The following AMOTL1 variants were observed in gnomAD, a reference collection of about 807,000 sequenced individuals.
AMOTL1 encodes angiomotin-like protein 1.
A neutral mutation model predicts 102.9 loss-of-function variants in AMOTL1; 45 were observed. The ratio of observed to expected loss-of-function variants is 0.44; its 90% confidence interval spans 0.34 to 0.56. AMOTL1 has a LOEUF of 0.56. Ranked by LOEUF, AMOTL1 falls within the 20% of genes least tolerant of loss-of-function variation. The probability of loss-of-function intolerance (pLI) is 0.01; values close to 1 mark genes in which losing one functional copy is unlikely to be tolerated. For missense variants in AMOTL1, 1,114 were observed against 1,225.6 expected (o/e 0.91, Z 1.36); for synonymous variants, 481 against 484.7 (o/e 0.99, Z 0.10).
intron 9 of AMOTL1, 126 bp from the exon 10 acceptor site, chr11:94,864,609 C>A: frequency 1.5e-6 from 2 of 1,323,518 alleles, no homozygotes; most frequent in Non-Finnish European, 1.0e-6. Flanking sequence ...GCTTCATGAG[C>A]CAATGCGAGA....
At chr11:94,773,841 G>A (rs1272596913) in intron 1 of AMOTL1, among the ~76,000 whole-genome samples, 1 of 152,194 alleles carries the variant, frequency 6.6e-6, no homozygotes, top group Non-Finnish European at 1.5e-5. Flanking sequence ...AACATAAACA[G>A]TATGAATGAA....
Position 94,795,045 on chromosome 11 carries a change from T to C in AMOTL1, c.84T>C (p.Pro28=), listed in dbSNP as rs1372199710. The change falls in exon 2 of 13, where the codon CCT becomes CCC. Residue 28 remains proline (P), a synonymous_variant. Coordinates refer to ENST00000433060, the MANE Select transcript of AMOTL1 (RefSeq NM_130847.3). ...SPSACYSPSS[P]VQVLEDSTYF... is the part of the protein sequence containing the mutation. ...CTGCTTGTTATAGCCCCAGTAGTCC[T>C]GTCCAGGTTCTAGAAGACTCCACCT... is the stretch of plus-strand genomic sequence containing the variant. 6.2e-7 allele frequency: 1 copy of C among 1,613,648 alleles called. No homozygotes were observed. The highest frequency in any genetic ancestry group is 8.5e-7 in the Non-Finnish European group (1 of 1,179,832).
intron 9 of AMOTL1, among the ~76,000 whole-genome samples, chr11:94,861,036 T>C (rs188653826): frequency 2.0e-5 from 3 of 152,258 alleles, no homozygotes; most frequent in Admixed American, 1.3e-4. Context: ...CACAGCACAC[T>C]TGCACCGAGA....
At chr11:94,816,345 T>A (rs1202338119) in intron 3 of AMOTL1, among the ~76,000 whole-genome samples, 1 of 152,186 alleles carries the variant, frequency 6.6e-6, no homozygotes, top group East Asian at 1.9e-4. Context: ...TGCTCTTGGC[T>A]TTAGATGGTT....
intron 3 of AMOTL1, among the ~76,000 whole-genome samples, chr11:94,801,667 A>G (rs1166180888): frequency 7.2e-5 from 11 of 152,130 alleles, no homozygotes; most frequent in Admixed American, 7.2e-4. Context: ...TAAGAGAGGT[A>G]GGGAAATAGA....
chr11:94,812,120 C>G (rs1471376186), intron 3 of AMOTL1, among the ~76,000 whole-genome samples: 1 of 152,154 alleles, frequency 6.6e-6, no homozygotes, highest in Non-Finnish European at 1.5e-5. Flanking sequence ...TGATCCGAGC[C>G]TTAAAGGTAT....
intron 4 of AMOTL1, 85 bp downstream of exon 4, chr11:94,821,906 T>G: frequency 2.0e-6 from 3 of 1,530,670 alleles, no homozygotes; most frequent in Non-Finnish European, 2.7e-6. Context: ...CTTGCCAACA[T>G]TGCAGTAGAC....
Position 94,821,590 on chromosome 11 carries a change from G to A in AMOTL1, c.1182G>A (p.Gln394=), listed in dbSNP as rs780065477. 2.5e-6 allele frequency: 4 copies of A among 1,613,698 alleles called. No homozygotes were observed. In the African/African-American group the frequency reaches 5.3e-5, roughly 22 times the overall value. The change falls in exon 4 of 13, where the codon CAG becomes CAA. Residue 394 remains glutamine (Q), a synonymous_variant. Transcript: ENST00000433060. ...TMQQHSPMSS[Q]TSSASGPLHS... The stretch of plus-strand genomic sequence containing the variant: ...AGCAGCACAGCCCCATGTCCTCCCA[G>A]ACCTCTTCCGCCAGCGGGCCACTGC...
rs1953044439 is a variant in AMOTL1, at chr11:94,873,738, C to T, written c.*2943C>T. 1 of 152,118 alleles carries T rather than the reference C, an allele frequency of 6.6e-6. No individual in the cohort carries two copies. The highest frequency in any genetic ancestry group is 6.6e-5 in the Admixed American group (1 of 15,260). The allele number at this position is 152,118 out of a possible 1,614,324, so 9.4% of individuals were successfully genotyped here. ...ACATGCGGCACTGCATCTTGGCAGT[C>T]TCTATGCCTGTCTGTGATGTGTGTG... On this transcript the variant is annotated 3_prime_UTR_variant, in exon 13 of 13. Transcript: ENST00000433060.
chr11:94,756,413 T>G (rs549909958), intron 3 of AMOTL1, among the ~76,000 whole-genome samples: 126 of 152,344 alleles, frequency 8.3e-4, no homozygotes, highest in African/African-American at 3.0e-3. Context: ...ATATATTTTA[T>G]GTTTAGACCC....
At chr11:94,744,851 C>T (rs186097096) in intron 3 of AMOTL1, among the ~76,000 whole-genome samples, 6 of 152,174 alleles carry the variant, frequency 3.9e-5, no homozygotes, top group Non-Finnish European at 8.8e-5. Context: ...GAACCTGGTA[C>T]AAAGTAAGTG....
At chr11:94,760,741 A>G (rs1219518517) in intron 3 of AMOTL1, among the ~76,000 whole-genome samples, 2 of 151,968 alleles carry the variant, frequency 1.3e-5, no homozygotes, top group Non-Finnish European at 2.9e-5. Context: ...AGACTTCTTT[A>G]TATGTTTTAG....
chr11:94,707,250 C>CTCTCTGTGTGTGTG (rs1338023479), intron 1 of AMOTL1, among the ~76,000 whole-genome samples: 4 of 71,712 alleles, frequency 5.6e-5, no homozygotes, highest in South Asian at 4.8e-4. Flanking sequence ...CTCTCTCTCT[C>CTCTCTGTGTGTGTG]TGTGTGTGTG....
intron 6 of AMOTL1, among the ~76,000 whole-genome samples, chr11:94,840,679 T>TACAC (rs1347475318): frequency 1.1e-4 from 14 of 129,368 alleles, no homozygotes; most frequent in East Asian, 8.8e-4. Context: ...TATATATATA[T>TACAC]ATACACACAC....
upstream of AMOTL1, among the ~76,000 whole-genome samples, chr11:94,764,361 A>C (rs1950830394): frequency 6.6e-6 from 1 of 152,206 alleles, no homozygotes; most frequent in African/African-American, 2.4e-5. Flanking sequence ...GAGGTGGAAC[A>C]TGAGGAGTTT....
intron 1 of AMOTL1, among the ~76,000 whole-genome samples, chr11:94,774,805 G>C (rs1951001259): frequency 6.6e-6 from 1 of 152,202 alleles, no homozygotes; most frequent in Non-Finnish European, 1.5e-5. Flanking sequence ...CCTGGACTGA[G>C]ATGCTTACCC....
intron 6 of AMOTL1, among the ~76,000 whole-genome samples, chr11:94,847,360 CT>C (rs764807432): frequency 1.6e-4 from 24 of 152,124 alleles, no homozygotes; most frequent in Admixed American, 7.2e-4. Context: ...TACCTAATAG[CT>C]AACAGGAGCT....
At position 94,875,197 on chromosome 11, in the gene AMOTL1, G is replaced by A. The variant is rs1953074668; in HGVS notation, c.*4402G>A. 1 of 152,164 alleles carries A rather than the reference G, an allele frequency of 6.6e-6. No homozygotes were observed. Among genetic ancestry groups the A allele is most frequent in the African/African-American group, 2.4e-5 (1 of 41,440 alleles). The allele number at this position is 152,164 out of a possible 1,614,324, so 9.4% of individuals were successfully genotyped here. A position where few individuals can be genotyped will look rare whatever the true frequency, so the allele number is the denominator to read the frequency against. On this transcript the variant is annotated 3_prime_UTR_variant, in exon 13 of 13. Transcript: ENST00000433060. ...ATTGTTTAATGAGTTTGCCTCTGAC[G>A]TGTGGCTCCATGGGAGATAGGCAAA...
chr11:94,817,191 G>A lies in AMOTL1; in HGVS notation c.1122-4339G>A, dbSNP rs147796139. On this transcript the variant is annotated intron_variant, in intron 3 of 12. Coordinates refer to ENST00000433060, the MANE Select transcript of AMOTL1 (RefSeq NM_130847.3). Reference sequence around the variant, plus strand: ...GGCTTGTTGTTTGGGAAGTTAAATTGCTCTCAAAGAATAAAGGTTTATGCT... The same window carrying A: ...GGCTTGTTGTTTGGGAAGTTAAATTACTCTCAAAGAATAAAGGTTTATGCT... Among the ~76,000 whole-genome samples, 633 of 151,744 alleles carry A rather than the reference G, an allele frequency of 4.2e-3. 12 individuals are homozygous for A. The highest frequency in any genetic ancestry group is 0.035 in the South Asian group (168 of 4,806).
Sources: allele counts gnomAD v4.1 joint callset (sites outside exome capture counted in the v4.1 genomes callset), GRCh38; gene constraint gnomAD v4.1.1; transcripts MANE v1.5; gene names NCBI Gene and HGNC (gene_info 2026-07-23, HGNC 2026-07-21).